KCNQ1: variants seen among roughly 807,000 people sequenced by gnomAD.
The protein encoded by KCNQ1 is potassium voltage-gated channel subfamily KQT member 1.
In KCNQ1, 49 loss-of-function variants were observed where a neutral mutation model predicts 72.4. The observed-to-expected ratio is 0.68, with a 90% confidence interval of 0.54 to 0.86. KCNQ1 has a LOEUF of 0.86. KCNQ1 is among the 40% of genes least tolerant of loss of function. The pLI, the probability that KCNQ1 is intolerant of heterozygous loss-of-function variation, is 0.00. For synonymous variants in KCNQ1, 450 were observed against 412.6 expected (o/e 1.09, Z -1.10); for missense variants, 790 against 945.1 (o/e 0.84, Z 2.15).
rs960611087 is a variant in KCNQ1 at position 2,768,266 on chromosome 11, G to C, written c.1515-578G>C. On this transcript the variant is annotated intron_variant, in intron 11 of 15. Transcript: ENST00000155840. This position sits in a 1 kb window ranked among gnomAD's most constrained non-coding sequence, Gnocchi z 6.7. Reference sequence around the variant, plus strand: ...CCCCTTTGTTTCCTTTTGTGATGCTGTTTCTAAAAGGATCTTTATTTCTAG... The same window carrying C: ...CCCCTTTGTTTCCTTTTGTGATGCTCTTTCTAAAAGGATCTTTATTTCTAG... Among the ~76,000 whole-genome samples, 1 of 152,196 alleles carries C rather than the reference G, an allele frequency of 6.6e-6. No homozygotes were observed. The highest frequency in any genetic ancestry group is 1.9e-4 in the East Asian group (1 of 5,198).
At chr11:2,460,011 G>A (rs1433880370) in intron 1 of KCNQ1, among the ~76,000 whole-genome samples, 1 of 152,164 alleles carries the variant, frequency 6.6e-6, no homozygotes, top group Non-Finnish European at 1.5e-5. Flanking sequence ...CTCCAGAGCC[G>A]CACCCCAGTG....
At chr11:2,589,703 A>G (rs1243793539) in intron 10 of KCNQ1, among the ~76,000 whole-genome samples, 1 of 152,178 alleles carries the variant, frequency 6.6e-6, no homozygotes, top group African/African-American at 2.4e-5. Context: ...CCTCCCGCCA[A>G]CTTCTGCTGT....
chr11:2,760,981 TAGTC>T (rs1846383865), intron 11 of KCNQ1, among the ~76,000 whole-genome samples: 1 of 152,244 alleles, frequency 6.6e-6, no homozygotes, highest in African/African-American at 2.4e-5. Context: ...CAGCTTGCGT[TAGTC>T]AGCTCAGTTA....
chr11:2,675,261 T>C, intron 11 of KCNQ1: 1 of 398,508 alleles, frequency 2.5e-6, no homozygotes, highest in Non-Finnish European at 4.4e-6. Flanking sequence ...GTTTCAGAAG[T>C]GAAGATAACT....
rs1387260254 is a variant in KCNQ1, at chr11:2,817,416, A to G, written c.1795-30351A>G. Among the ~76,000 whole-genome samples, 1 of 151,994 alleles carries G rather than the reference A, an allele frequency of 6.6e-6. No homozygotes were observed. The highest frequency in any genetic ancestry group is 2.4e-5 in the African/African-American group (1 of 41,324). On this transcript the variant is annotated intron_variant, in intron 15 of 15. Coordinates refer to ENST00000155840, the MANE Select transcript of KCNQ1 (RefSeq NM_000218.3). This position sits in a 1 kb window ranked among gnomAD's most constrained non-coding sequence, Gnocchi z 6.1. ...CCCTGACCCCCAGCCTTGTGCAGAC[A>G]CTGATACCCTTAGGATGAAGCTGAC...
At chr11:2,596,682 G>T (rs1304439171) in intron 10 of KCNQ1, among the ~76,000 whole-genome samples, 2 of 151,948 alleles carry the variant, frequency 1.3e-5, no homozygotes, top group African/African-American at 4.8e-5. Context: ...GGTTATCAGT[G>T]GTTACCTGGG....
At chr11:2,619,069 G>C in intron 10 of KCNQ1, 1 of 398,408 alleles carries the variant, frequency 2.5e-6, no homozygotes, top group Non-Finnish European at 4.4e-6. Context: ...CTAACAGGTT[G>C]CTTTGTCAGA....
At chr11:2,554,319 A>T (rs1225550397) in intron 2 of KCNQ1, among the ~76,000 whole-genome samples, 2 of 152,240 alleles carry the variant, frequency 1.3e-5, no homozygotes, top group African/African-American at 4.8e-5. Flanking sequence ...AAGTCAGCAG[A>T]TACAGGGCTA....
chr11:2,756,714 A>T lies in KCNQ1; in HGVS notation c.1515-12130A>T, dbSNP rs554779010. ...CAATCCGCCCACCTTGGCCTCCCAA[A>T]GTGCTGGAATTACAGGTGTGAGCCA... On this transcript the variant is annotated intron_variant, in intron 11 of 15. Coordinates refer to ENST00000155840, the MANE Select transcript of KCNQ1 (RefSeq NM_000218.3). 2.3e-4 allele frequency among the ~76,000 whole-genome samples: 35 copies of T among 152,192 alleles called. No individual in the cohort carries two copies. In the South Asian group the frequency reaches 6.8e-3, roughly 30 times the overall value.
In KCNQ1 at chr11:2,585,200, A is replaced by T; in HGVS notation, c.1033-12A>T. The T allele has an allele frequency of 6.2e-7, 1 of 1,613,222 alleles. No individual in the cohort carries two copies. The highest frequency in any genetic ancestry group is 8.5e-7 in the Non-Finnish European group (1 of 1,179,264). ...CTGTGTGGACGGGAGCCTCCTGTCC[A>T]TTCCTTCCCAGGGGATTCTTGGCTC... On this transcript the variant is annotated splice_polypyrimidine_tract_variant and intron_variant, in intron 7 of 15. Transcript: ENST00000155840.
intron 2 of KCNQ1, among the ~76,000 whole-genome samples, chr11:2,570,078 T>C (rs1479542504): frequency 2.0e-5 from 3 of 151,850 alleles, no homozygotes; most frequent in Non-Finnish European, 2.9e-5. Context: ...AAAGTGCTTA[T>C]CACGGAGGGC....
chr11:2,770,100 G>A (rs182534964), intron 12 of KCNQ1, among the ~76,000 whole-genome samples: 32 of 152,286 alleles, frequency 2.1e-4, no homozygotes, highest in African/African-American at 6.5e-4. Context: ...ACTGACAGTG[G>A]CATTCAAGTC....
In KCNQ1 at chr11:2,698,940, T is replaced by A. The variant is rs539935333; in HGVS notation, c.1514+36859T>A. On this transcript the variant is annotated intron_variant, in intron 11 of 15. Transcript: ENST00000155840. The surrounding 1 kb of genome is among the most constrained non-coding windows in gnomAD (Gnocchi z 5.1). ...TGTGGACCCTAGACCCGAATTCTGATCCCAACTAGGATACCTAACTCAGAA... is the reference window on the plus strand; with the variant it reads ...TGTGGACCCTAGACCCGAATTCTGAACCCAACTAGGATACCTAACTCAGAA... 7.5e-6 allele frequency: 3 copies of A among 398,476 alleles called. No homozygotes were observed. The South Asian group carries it at 3.8e-4, about 51-fold the overall frequency. 24.7% of individuals were successfully genotyped at this position (398,476 alleles called of 1,614,324 possible).
chr11:2,751,136 C>T (rs542185576), intron 11 of KCNQ1, among the ~76,000 whole-genome samples: 1 of 152,350 alleles, frequency 6.6e-6, no homozygotes, highest in South Asian at 2.1e-4. Flanking sequence ...ATCCCCAAAG[C>T]TTGGAACTAC....
chr11:2,657,884 G>A lies in KCNQ1; in HGVS notation c.1394-4077G>A, dbSNP rs1469348310. 3 of 398,496 alleles carry A rather than the reference G, an allele frequency of 7.5e-6. No homozygotes were observed. The East Asian group carries it at 1.1e-4, about 14-fold the overall frequency. The allele number at this position is 398,496 out of a possible 1,614,324, so 24.7% of individuals were successfully genotyped here. On this transcript the variant is annotated intron_variant, in intron 10 of 15. Coordinates refer to ENST00000155840, the MANE Select transcript of KCNQ1 (RefSeq NM_000218.3). The surrounding 1 kb of genome is among the most constrained non-coding windows in gnomAD (Gnocchi z 4.8). ...GGTTTAGGGGAAGGAGGCCAGTGAGGTGAGATGCTTTCCTCATTGTGGAAC... is the reference window on the plus strand; with the variant it reads ...GGTTTAGGGGAAGGAGGCCAGTGAGATGAGATGCTTTCCTCATTGTGGAAC...
rs1483246201 is a variant in KCNQ1, at chr11:2,695,604, C to T, written c.1514+33523C>T. ...CTCTCGTTGTTCTGGGTGAGAACTG[C>T]TCCAGCATGTTTACTTAGGAGGGAA... On this transcript the variant is annotated intron_variant, in intron 11 of 15. Transcript: ENST00000155840. The surrounding 1 kb of genome is among the most constrained non-coding windows in gnomAD (Gnocchi z 5.2). 1.5e-5 allele frequency: 6 copies of T among 398,490 alleles called. No individual in the cohort carries two copies. The highest frequency in any genetic ancestry group is 2.7e-5 in the Non-Finnish European group (6 of 226,070). 24.7% of individuals were successfully genotyped at this position (398,490 alleles called of 1,614,324 possible).
At chr11:2,511,332 C>T (rs1847199792) in intron 1 of KCNQ1, among the ~76,000 whole-genome samples, 1 of 152,178 alleles carries the variant, frequency 6.6e-6, no homozygotes, top group Admixed American at 6.5e-5. Context: ...GGGGAGGCAG[C>T]TGGCACCGCC....
chr11:2,771,617 C>T (rs912624551), intron 12 of KCNQ1: 5 of 152,186 alleles, frequency 3.3e-5, no homozygotes, highest in Admixed American at 2.6e-4. Flanking sequence ...GTTGAATTAC[C>T]TAGAAGCTTG....
chr11:2,520,732 G>A (rs2898873), intron 1 of KCNQ1, among the ~76,000 whole-genome samples: 2 of 151,978 alleles, frequency 1.3e-5, no homozygotes, highest in African/African-American at 4.8e-5. Flanking sequence ...CCTCTCCAGC[G>A]CCCAGTGTTT....
Sources: allele counts gnomAD v4.1 joint callset (sites outside exome capture counted in the v4.1 genomes callset), GRCh38; gene constraint gnomAD v4.1.1; non-coding constraint Gnocchi (gnomAD v3.1); transcripts MANE v1.5; gene names NCBI Gene and HGNC (gene_info 2026-07-23, HGNC 2026-07-21).